SULT2A1: variants seen among roughly 807,000 people sequenced by gnomAD.
SULT2A1 encodes the protein sulfotransferase 2A1.
SULT2A1 carries 43 observed loss-of-function variants against 33.9 expected under a neutral mutation model. The ratio of observed to expected loss-of-function variants is 1.27; its 90% confidence interval spans 1.00 to 1.64. The LOEUF is 1.64. Among genes scored for constraint, SULT2A1 ranks in the 40% most tolerant of loss-of-function variants. The pLI is 0.00. For synonymous variants in SULT2A1, 125 were observed against 113.6 expected, an observed-to-expected ratio of 1.10 and a Z score of -0.64; for missense variants, 300 against 335.1, an observed-to-expected ratio of 0.90 and a Z score of 0.82.
At chr19:47,871,649 A>G (rs1037716014) in intron 5 of SULT2A1, 82 bp from the exon 6 acceptor site, 5 of 898,214 alleles carry the variant, frequency 5.6e-6, no homozygotes, top group Non-Finnish European at 9.3e-6. Flanking sequence ...TGGACATTGT[A>G]GCTAACATAG....
Position 47,886,273 on chromosome 19 carries a change from C to G in SULT2A1, c.-16G>C. 1 of 1,613,574 alleles carries G rather than the reference C, an allele frequency of 6.2e-7. No individual in the cohort carries two copies. Among genetic ancestry groups the G allele is most frequent in the Non-Finnish European group, 8.5e-7 (1 of 1,179,706 alleles). On this transcript the variant is annotated 5_prime_UTR_variant, in exon 1 of 6. Transcript: ENST00000222002. ...CGTCCGACATGATGATGACCTCTTC[C>G]TGCGTGGTGTGAGGGTTTCAACTGT...
At chr19:47,872,070 A>G (rs1347047321) in intron 5 of SULT2A1, among the ~76,000 whole-genome samples, 1 of 151,954 alleles carries the variant, frequency 6.6e-6, no homozygotes, top group African/African-American at 2.4e-5. Flanking sequence ...GGTGCCTACC[A>G]CCACGCCTGG....
At chr19:47,874,433 G>A (rs749035414) in intron 5 of SULT2A1, among the ~76,000 whole-genome samples, 2 of 151,642 alleles carry the variant, frequency 1.3e-5, no homozygotes, top group African/African-American at 2.4e-5. Context: ...CCAGCTACTC[G>A]GGAGGCTGAG....
At chr19:47,874,943 C>T in intron 4 of SULT2A1, 109 bp from the exon 5 acceptor site, 1 of 951,828 alleles carries the variant, frequency 1.1e-6, no homozygotes. Context: ...GGTTGGATCA[C>T]TTGAGATCAG....
intron 3 of SULT2A1, 139 bp downstream of exon 3, chr19:47,881,945 C>T: frequency 1.8e-5 from 20 of 1,092,684 alleles, no homozygotes; most frequent in Non-Finnish European, 2.5e-5. Context: ...GGAGAGTAAG[C>T]GAACTTAGCA....
rs555688980 is a variant in SULT2A1, at chr19:47,880,661, G to T, written c.472+1423C>A. 1.7e-3 allele frequency among the ~76,000 whole-genome samples: 257 copies of T among 151,622 alleles called. 1 individual carries two copies. Among genetic ancestry groups the T allele is most frequent in the Non-Finnish European group, 9.6e-4 (65 of 67,916 alleles). ...TAGTGCCATGGAGTGATCTCGGCTCGCTGCAACCTCTGCCTCCTAGATTCA... is the reference window on the plus strand; with the variant it reads ...TAGTGCCATGGAGTGATCTCGGCTCTCTGCAACCTCTGCCTCCTAGATTCA... On this transcript the variant is annotated intron_variant, in intron 3 of 5. Coordinates refer to ENST00000222002, the MANE Select transcript of SULT2A1 (RefSeq NM_003167.4).
intron 1 of SULT2A1, among the ~76,000 whole-genome samples, chr19:47,884,081 G>T (rs1404458818): frequency 1.7e-4 from 26 of 149,514 alleles, no homozygotes; most frequent in Admixed American, 1.4e-3. Flanking sequence ...CTCCAGCCTG[G>T]GCAACAGAGT....
At chr19:47,883,544 T>C (rs768933050) in intron 2 of SULT2A1, 33 bp downstream of exon 2, 2 of 1,596,778 alleles carry the variant, frequency 1.3e-6, no homozygotes, top group Non-Finnish European at 8.6e-7. Context: ...TGAAAGGCAC[T>C]GATCAAACAC....
Position 47,879,264 on chromosome 19 carries a change from G to A in SULT2A1, c.473-134C>T, listed in dbSNP as rs981595850. ...AAACTTGAATGAAACTTGGTCGAAGGGGACCAACAAATGGTATATATTTAC... is the reference window on the plus strand; with the variant it reads ...AAACTTGAATGAAACTTGGTCGAAGAGGACCAACAAATGGTATATATTTAC... On this transcript the variant is annotated intron_variant, in intron 3 of 5. Coordinates refer to ENST00000222002, the MANE Select transcript of SULT2A1 (RefSeq NM_003167.4). 2.6e-5 allele frequency: 17 copies of A among 642,798 alleles called. No individual in the cohort carries two copies. The African/African-American group carries it at 3.1e-4, about 12-fold the overall frequency. 39.8% of individuals were successfully genotyped at this position (642,798 alleles called of 1,614,324 possible). A position where few individuals can be genotyped will look rare whatever the true frequency, so the allele number is the denominator to read the frequency against.
At position 47,881,462 on chromosome 19, in the gene SULT2A1, G is replaced by A. The variant is rs757619291; in HGVS notation, c.472+622C>T. Among the ~76,000 whole-genome samples, 41 of 152,144 alleles carry A rather than the reference G, an allele frequency of 2.7e-4. 1 individual carries two copies. The Middle Eastern group carries it at 0.014, about 50-fold the overall frequency. ...GTTGGGATTACATGTGTGAGCCACC[G>A]CGCCCAGCCAGAAAGGTGTTCAAAT... On this transcript the variant is annotated intron_variant, in intron 3 of 5. Coordinates refer to ENST00000222002, the MANE Select transcript of SULT2A1 (RefSeq NM_003167.4).
chr19:47,878,936 T>C, intron 4 of SULT2A1, 100 bp downstream of exon 4: 2 of 800,438 alleles, frequency 2.5e-6, no homozygotes, highest in Non-Finnish European at 4.4e-6. Flanking sequence ...CCACTTTAAC[T>C]GAGAGGGTGG....
chr19:47,883,190 C>T (rs1968619039), intron 2 of SULT2A1, among the ~76,000 whole-genome samples: 1 of 152,012 alleles, frequency 6.6e-6, no homozygotes, highest in African/African-American at 2.4e-5. Context: ...AGGAACACCT[C>T]TGTGTCTTTT....
intron 4 of SULT2A1, among the ~76,000 whole-genome samples, chr19:47,875,935 A>G (rs1042481678): frequency 2.0e-5 from 3 of 152,180 alleles, no homozygotes; most frequent in Admixed American, 2.0e-4. Context: ...GAGTTTTACA[A>G]TATCTTCTTA....
At chr19:47,875,885 A>G (rs1403069181) in intron 4 of SULT2A1, among the ~76,000 whole-genome samples, 1 of 152,216 alleles carries the variant, frequency 6.6e-6, no homozygotes, top group Non-Finnish European at 1.5e-5. Flanking sequence ...GTACTGTCAG[A>G]TAGTACTGTT....
At chr19:47,872,290 C>T (rs886306465) in intron 5 of SULT2A1, among the ~76,000 whole-genome samples, 9 of 152,136 alleles carry the variant, frequency 5.9e-5, no homozygotes, top group Admixed American at 2.6e-4. Context: ...CCAGATCATG[C>T]CACTTCTCTG....
chr19:47,873,516 C>T (rs1331053392), intron 5 of SULT2A1, among the ~76,000 whole-genome samples: 2 of 150,944 alleles, frequency 1.3e-5, no homozygotes, highest in African/African-American at 2.4e-5. Flanking sequence ...CATTTCCATT[C>T]ATCTTGGCAC....
Position 47,882,243 on chromosome 19 carries a change from A to G in SULT2A1, c.346-33T>C, listed in dbSNP as rs183491427. 53 of 1,602,550 alleles carry G rather than the reference A, an allele frequency of 3.3e-5. No individual in the cohort carries two copies. The African/African-American group carries it at 6.9e-4, about 21-fold the overall frequency. On this transcript the variant is annotated intron_variant, in intron 2 of 5. Transcript: ENST00000222002. ...GGAAAAACGGGAGAATGAAAAATCAATACAGTCAATCCTCACTCTTTTTGA... is the reference window on the plus strand; with the variant it reads ...GGAAAAACGGGAGAATGAAAAATCAGTACAGTCAATCCTCACTCTTTTTGA...
At chr19:47,872,131 T>G (rs1568636479) in intron 5 of SULT2A1, among the ~76,000 whole-genome samples, 1 of 152,182 alleles carries the variant, frequency 6.6e-6, no homozygotes, top group Admixed American at 6.5e-5. Flanking sequence ...TTGGCCAGGC[T>G]GGTCTCAAAC....
At chr19:47,885,181 A>G (rs901866327) in intron 1 of SULT2A1, among the ~76,000 whole-genome samples, 5 of 151,936 alleles carry the variant, frequency 3.3e-5, no homozygotes, top group African/African-American at 1.2e-4. Context: ...TGCTCAACCA[A>G]TCTCCAGAGG....
Sources: gnomAD v4.1 joint callset for allele counts (sites outside exome capture counted in the v4.1 genomes callset) on GRCh38, gnomAD v4.1.1 for gene constraint, MANE v1.5 for transcripts, NCBI Gene and HGNC (gene_info 2026-07-23, HGNC 2026-07-21) for gene names.